ESRRG: variants seen among roughly 807,000 people sequenced by gnomAD.
The protein encoded by ESRRG is estrogen related receptor gamma.
Under a neutral mutation model 44.0 loss-of-function variants are expected in ESRRG, and 13 were observed. That is an observed-to-expected ratio of 0.30 (90% CI 0.19 to 0.47). ESRRG has a LOEUF of 0.47. Ranked by LOEUF, ESRRG falls within the 20% of genes least tolerant of loss-of-function variation. ESRRG has a pLI of 1.00. For synonymous variants in ESRRG, 215 were observed against 214.6 expected (o/e 1.00, Z -0.02); for missense variants, 395 against 580.6 (o/e 0.68, Z 3.29).
chr1:216,648,365 G>A (rs2068109948), intron 3 of ESRRG, among the ~76,000 whole-genome samples: 1 of 152,092 alleles, frequency 6.6e-6, no homozygotes, highest in Admixed American at 6.6e-5. Context: ...CCATCGAAGT[G>A]GGCATTAAGA....
intron 2 of ESRRG, among the ~76,000 whole-genome samples, chr1:216,752,765 C>T (rs921909482): frequency 1.2e-4 from 19 of 152,040 alleles, no homozygotes; most frequent in African/African-American, 3.6e-4. Flanking sequence ...GGCTGGGTCC[C>T]ATCCATGCCT....
intron 3 of ESRRG, among the ~76,000 whole-genome samples, chr1:216,614,387 G>T (rs2061119685): frequency 6.6e-6 from 1 of 151,604 alleles, no homozygotes; most frequent in African/African-American, 2.4e-5. Context: ...CTAGAGTCAA[G>T]TCCATTTAAG....
chr1:216,958,728 G>A (rs921040725), intron 1 of ESRRG, among the ~76,000 whole-genome samples: 1 of 152,014 alleles, frequency 6.6e-6, no homozygotes, highest in Non-Finnish European at 1.5e-5. Context: ...AGCACAACAC[G>A]ATCTGCCGCT....
intron 1 of ESRRG, among the ~76,000 whole-genome samples, chr1:217,132,825 C>A (rs150050578): frequency 6.6e-6 from 1 of 152,090 alleles, no homozygotes; most frequent in African/African-American, 2.4e-5. Context: ...CCTCTTTCTG[C>A]CATTTTCCAG....
Position 216,790,013 on chromosome 1 carries a change from C to T in ESRRG, c.-13-112522G>A, listed in dbSNP as rs1390401044. Reference sequence around the variant, plus strand: ...TGCAATTTCCACTTCACTTACTCAACAGAAAATGTCCTGACCTGAACTTTG... The same window carrying T: ...TGCAATTTCCACTTCACTTACTCAATAGAAAATGTCCTGACCTGAACTTTG... On this transcript the variant is annotated intron_variant, in intron 2 of 7. Transcript: ENST00000359162. Among the ~76,000 whole-genome samples the T allele has an allele frequency of 2.6e-5, 4 of 152,248 alleles. No homozygotes were observed. In the East Asian group the frequency reaches 5.8e-4, roughly 22 times the overall value.
intron 2 of ESRRG, among the ~76,000 whole-genome samples, chr1:216,934,531 G>A (rs990450024): frequency 1.3e-5 from 2 of 152,076 alleles, no homozygotes; most frequent in African/African-American, 4.8e-5. Flanking sequence ...CAATCACGGT[G>A]GAAGGCAAAA....
intron 2 of ESRRG, among the ~76,000 whole-genome samples, chr1:216,907,271 C>T (rs182210326): frequency 2.6e-5 from 4 of 152,270 alleles, no homozygotes; most frequent in Admixed American, 2.6e-4. Context: ...GACAAAAAAC[C>T]AAAATCCACT....
intron 5 of ESRRG, among the ~76,000 whole-genome samples, chr1:216,542,411 A>C (rs1205344749): frequency 1.3e-5 from 2 of 151,948 alleles, no homozygotes; most frequent in Non-Finnish European, 2.9e-5. Context: ...ATGAAACATC[A>C]ACATGTAATA....
intron 3 of ESRRG, among the ~76,000 whole-genome samples, chr1:216,587,167 G>A (rs2056813102): frequency 6.6e-6 from 1 of 151,964 alleles, no homozygotes; most frequent in South Asian, 2.1e-4. Context: ...AATCATTTTT[G>A]CACAATTATA....
chr1:216,739,264 GAAA>G (rs59371441), intron 2 of ESRRG, among the ~76,000 whole-genome samples: 68 of 143,886 alleles, frequency 4.7e-4, no homozygotes, highest in Non-Finnish European at 4.1e-4. Flanking sequence ...TCATTAAAGT[GAAA>G]AAAAAAAAAA....
At position 216,506,906 on chromosome 1, in the gene ESRRG, C is replaced by T; in HGVS notation, c.*33G>A. The T allele has an allele frequency of 6.3e-7, 1 of 1,588,028 alleles. No homozygotes were observed. Among genetic ancestry groups the T allele is most frequent in the East Asian group, 2.2e-5 (1 of 44,706 alleles). On this transcript the variant is annotated 3_prime_UTR_variant, in exon 7 of 7. Coordinates refer to ENST00000408911, the MANE Select transcript of ESRRG (RefSeq NM_001438.4). ...CTTGGGTTTATTTTCCCTTTTTCAA[C>T]ATGAAGGATGGGAAGGCCCAGGGAG...
chr1:216,988,158 T>C (rs2075157099), intron 1 of ESRRG, among the ~76,000 whole-genome samples: 1 of 152,136 alleles, frequency 6.6e-6, no homozygotes, highest in Non-Finnish European at 1.5e-5. Flanking sequence ...GAAAACACAA[T>C]TGGAAGAAAG....
At chr1:216,967,084 G>A (rs2070560372) in intron 1 of ESRRG, among the ~76,000 whole-genome samples, 1 of 152,062 alleles carries the variant, frequency 6.6e-6, no homozygotes, top group African/African-American at 2.4e-5. Flanking sequence ...ACTGTTTAGA[G>A]TAGTTTTGGT....
At chr1:216,579,893 A>T (rs537993611) in intron 3 of ESRRG, among the ~76,000 whole-genome samples, 2 of 152,306 alleles carry the variant, frequency 1.3e-5, no homozygotes, top group South Asian at 4.1e-4. Flanking sequence ...TAAATTTCTT[A>T]GTCTTTTCTG....
intron 3 of ESRRG, among the ~76,000 whole-genome samples, chr1:216,572,839 C>G (rs975562114): frequency 5.3e-5 from 8 of 151,922 alleles, no homozygotes; most frequent in African/African-American, 9.7e-5. Context: ...AAGTCAAAAA[C>G]ATTGAATGAA....
chr1:216,649,344 T>C (rs544397248), intron 3 of ESRRG, among the ~76,000 whole-genome samples: 2 of 152,138 alleles, frequency 1.3e-5, no homozygotes, highest in Admixed American at 1.3e-4. Context: ...CCATAAAAAG[T>C]ACCCCCATCC....
At chr1:217,108,660 T>A (rs6692300) in intron 1 of ESRRG, among the ~76,000 whole-genome samples, 5 of 150,750 alleles carry the variant, frequency 3.3e-5, no homozygotes, top group Admixed American at 6.6e-5. Context: ...TCCCTCTCCC[T>A]CTCTCTTGCT....
At chr1:216,843,527 A>C (rs961375111) in intron 2 of ESRRG, among the ~76,000 whole-genome samples, 1 of 152,174 alleles carries the variant, frequency 6.6e-6, no homozygotes, top group African/African-American at 2.4e-5. Flanking sequence ...TCTCACAAAA[A>C]GAGCTTCTGG....
intron 3 of ESRRG, among the ~76,000 whole-genome samples, chr1:216,582,610 T>C (rs2063011289): frequency 6.6e-6 from 1 of 152,124 alleles, no homozygotes; most frequent in African/African-American, 2.4e-5. Flanking sequence ...CTGGCTAATT[T>C]TTGTATTTTT....
Sources: allele counts gnomAD v4.1 joint callset (sites outside exome capture counted in the v4.1 genomes callset), GRCh38; gene constraint gnomAD v4.1.1; transcripts MANE v1.5; gene names NCBI Gene and HGNC (gene_info 2026-07-23, HGNC 2026-07-21).